The following SPOCK1 variants were observed in gnomAD, a reference collection of about 807,000 sequenced individuals.
SPOCK1 encodes the protein testican-1.
In SPOCK1, 23 loss-of-function variants were observed where a neutral mutation model predicts 55.3. That is an observed-to-expected ratio of 0.42 (90% CI 0.30 to 0.59). The LOEUF is 0.59. Ranked by LOEUF, SPOCK1 falls within the 20% of genes least tolerant of loss-of-function variation. The pLI is 0.22. For missense variants in SPOCK1, 499 were observed against 552.5 expected (o/e 0.90, Z 0.97); for synonymous variants, 226 against 221.0 (o/e 1.02, Z -0.20).
intron 4 of SPOCK1, among the ~76,000 whole-genome samples, chr5:137,138,504 T>C (rs62374905): frequency 2.7e-5 from 4 of 147,712 alleles, no homozygotes; most frequent in East Asian, 2.0e-4. Context: ...CACACAAACA[T>C]ACACACACAC....
chr5:137,498,041 C>T (rs771341606), intron 2 of SPOCK1, among the ~76,000 whole-genome samples: 7 of 152,114 alleles, frequency 4.6e-5, no homozygotes, highest in Non-Finnish European at 1.0e-4. Context: ...TAGGAGAAGT[C>T]GGAAGCTCAG....
chr5:137,409,156 A>G lies in SPOCK1; in HGVS notation c.186+89217T>C, dbSNP rs143889673. On this transcript the variant is annotated intron_variant, in intron 2 of 10. Coordinates refer to ENST00000394945, the MANE Select transcript of SPOCK1 (RefSeq NM_004598.4). Reference sequence around the variant, plus strand: ...CCCCTGACTCCATCCAGGAAGCACAAGATATGGTCCCCACCTCCCCATCCT... The same window carrying G: ...CCCCTGACTCCATCCAGGAAGCACAGGATATGGTCCCCACCTCCCCATCCT... Among the ~76,000 whole-genome samples, 42 of 152,294 alleles carry G rather than the reference A, an allele frequency of 2.8e-4. No homozygotes were observed. The East Asian group carries it at 7.9e-3, about 29-fold the overall frequency.
intron 2 of SPOCK1, among the ~76,000 whole-genome samples, chr5:137,481,827 A>T (rs1378188559): frequency 1.3e-5 from 2 of 152,210 alleles, no homozygotes; most frequent in Non-Finnish European, 2.9e-5. Context: ...CCTGTCTTCC[A>T]TTCCCCCTAA....
At chr5:137,148,398 T>C (rs1308753305) in intron 3 of SPOCK1, among the ~76,000 whole-genome samples, 1 of 152,196 alleles carries the variant, frequency 6.6e-6, no homozygotes, top group African/African-American at 2.4e-5. Flanking sequence ...ATGTGTGTCA[T>C]AAAATCAACA....
At chr5:137,227,348 G>A (rs533844895) in intron 3 of SPOCK1, among the ~76,000 whole-genome samples, 4 of 152,306 alleles carry the variant, frequency 2.6e-5, no homozygotes, top group African/African-American at 7.2e-5. Context: ...GAGGTACTAC[G>A]TTCTAGGTGA....
At chr5:137,200,284 T>A (rs545535016) in intron 3 of SPOCK1, among the ~76,000 whole-genome samples, 1 of 152,308 alleles carries the variant, frequency 6.6e-6, no homozygotes, top group African/African-American at 2.4e-5. Context: ...GCCTCCTCAC[T>A]TCATTCTAGT....
chr5:137,384,963 G>A (rs904362314), intron 2 of SPOCK1, among the ~76,000 whole-genome samples: 19 of 152,066 alleles, frequency 1.2e-4, no homozygotes, highest in Non-Finnish European at 2.5e-4. Context: ...AGGATGGGGG[G>A]GGCGGTGCAT....
intron 2 of SPOCK1, among the ~76,000 whole-genome samples, chr5:137,449,914 A>AAAAG (rs1476272383): frequency 1.2e-4 from 15 of 129,144 alleles, no homozygotes; most frequent in East Asian, 9.0e-4. Flanking sequence ...AAAAAAAAAA[A>AAAAG]AAAGAAAGAA....
chr5:137,259,055 C>A (rs1270976940), intron 3 of SPOCK1, among the ~76,000 whole-genome samples: 1 of 152,182 alleles, frequency 6.6e-6, no homozygotes, highest in Non-Finnish European at 1.5e-5. Flanking sequence ...GAGAACATAC[C>A]ACATACCTAC....
intron 3 of SPOCK1, among the ~76,000 whole-genome samples, chr5:137,222,519 G>A (rs1250484727): frequency 6.6e-6 from 1 of 152,120 alleles, no homozygotes; most frequent in Non-Finnish European, 1.5e-5. Flanking sequence ...CTTAAAAGAA[G>A]AGCACAGATT....
At position 136,977,347 on chromosome 5, in the gene SPOCK1, T is replaced by G. The variant is rs1199048647; in HGVS notation, c.*1307A>C. 3.9e-5 allele frequency: 6 copies of G among 152,610 alleles called. No individual in the cohort carries two copies. Among genetic ancestry groups the G allele is most frequent in the African/African-American group, 1.4e-4 (6 of 41,420 alleles). 9.5% of individuals were successfully genotyped at this position (152,610 alleles called of 1,614,324 possible). On this transcript the variant is annotated 3_prime_UTR_variant, in exon 11 of 11. Coordinates refer to ENST00000394945, the MANE Select transcript of SPOCK1 (RefSeq NM_004598.4). The stretch of plus-strand genomic sequence containing the variant: ...GGGGGAGTGAGGGGGGGACAGAATT[T>G]GCTCTTAAAAACCCAGGGTTTGCTT...
chr5:137,423,146 G>A (rs1228996571), intron 2 of SPOCK1, among the ~76,000 whole-genome samples: 3 of 152,218 alleles, frequency 2.0e-5, no homozygotes, highest in Admixed American at 6.5e-5. Context: ...TCCTCTGGAA[G>A]TTTTGTCTCA....
At chr5:137,005,606 G>A (rs1229978142) in intron 6 of SPOCK1, among the ~76,000 whole-genome samples, 1 of 152,002 alleles carries the variant, frequency 6.6e-6, no homozygotes, top group Non-Finnish European at 1.5e-5. Flanking sequence ...AGAACCCAGG[G>A]GAAAATGAAG....
At chr5:137,056,385 T>A (rs1027120083) in intron 6 of SPOCK1, among the ~76,000 whole-genome samples, 1 of 151,792 alleles carries the variant, frequency 6.6e-6, no homozygotes, top group South Asian at 2.1e-4. Context: ...TTAGATGAGG[T>A]CAAGGGAGTA....
rs1378525878 is a variant in SPOCK1, at chr5:137,498,540, A to G, written c.19T>C (p.Leu7=). The G allele has an allele frequency of 5.2e-6, 8 of 1,534,406 alleles. No homozygotes were observed. Among genetic ancestry groups the G allele is most frequent in the South Asian group, 1.2e-5 (1 of 83,532 alleles). The change falls in exon 2 of 11, where the codon TTG becomes CTG. Residue 7 remains leucine, a synonymous_variant. Transcript: ENST00000394945. The part of the protein sequence containing the change: MPAIAV[L]AAAAAAWCFL... ...CACCACGCCGCGGCGGCCGCCGCCA[A>G]CACCGCGATCGCCGGCATCTGCGGG...
intron 2 of SPOCK1, among the ~76,000 whole-genome samples, chr5:137,420,519 G>C (rs1367615070): frequency 6.6e-6 from 1 of 152,152 alleles, no homozygotes; most frequent in Non-Finnish European, 1.5e-5. Flanking sequence ...TCCTGGTTTA[G>C]GCTTGGGAGT....
At chr5:137,121,913 A>AT (rs1753692924) in intron 4 of SPOCK1, among the ~76,000 whole-genome samples, 2 of 146,332 alleles carry the variant, frequency 1.4e-5, no homozygotes, top group African/African-American at 5.0e-5. Flanking sequence ...TATATGTCAT[A>AT]AATAATACTG....
intron 5 of SPOCK1, among the ~76,000 whole-genome samples, chr5:137,103,074 T>C (rs1753302466): frequency 2.0e-5 from 3 of 152,166 alleles, no homozygotes; most frequent in Non-Finnish European, 4.4e-5. Flanking sequence ...CACTGCAACC[T>C]CTGCCTCCCA....
At chr5:137,184,880 T>A (rs1051193379) in intron 3 of SPOCK1, among the ~76,000 whole-genome samples, 3 of 152,058 alleles carry the variant, frequency 2.0e-5, no homozygotes, top group Non-Finnish European at 2.9e-5. Context: ...GCCCCTCAAA[T>A]GTTCTCAAGC....
Sources: allele counts gnomAD v4.1 joint callset (sites outside exome capture counted in the v4.1 genomes callset), GRCh38; gene constraint gnomAD v4.1.1; transcripts MANE v1.5; gene names NCBI Gene and HGNC (gene_info 2026-07-23, HGNC 2026-07-21).